Variants in PPARG observed in about 807,000 individuals in gnomAD.
PPARG encodes the protein peroxisome proliferator activated receptor gamma.
Under a neutral mutation model 39.2 loss-of-function variants are expected in PPARG, and 17 were observed. The observed-to-expected ratio is 0.43, with a 90% confidence interval of 0.30 to 0.65. The LOEUF (loss-of-function observed/expected upper bound fraction) is 0.65. PPARG is among the 30% of genes least tolerant of loss of function. The probability of loss-of-function intolerance (pLI) is 0.13; values close to 1 mark genes in which losing one functional copy is unlikely to be tolerated. For missense variants in PPARG, 406 were observed against 585.9 expected (o/e 0.69, Z 3.17); for synonymous variants, 223 against 215.7 (o/e 1.03, Z -0.30).
chr3:12,368,853 CA>C (rs2049112090), intron 2 of PPARG, among the ~76,000 whole-genome samples: 1 of 152,128 alleles, frequency 6.6e-6, no homozygotes, highest in Non-Finnish European at 1.5e-5. Flanking sequence ...GCTGAAGCAT[CA>C]AAACCATTTT....
chr3:12,318,597 G>GT (rs2047451512), intron 2 of PPARG, among the ~76,000 whole-genome samples: 1 of 152,104 alleles, frequency 6.6e-6, no homozygotes, highest in Admixed American at 6.5e-5. Context: ...AAGATTATGG[G>GT]TGAAACTCTC....
intron 7 of PPARG, among the ~76,000 whole-genome samples, chr3:12,425,390 C>T (rs2125305459): frequency 6.6e-6 from 1 of 152,228 alleles, no homozygotes; most frequent in East Asian, 1.9e-4. Flanking sequence ...GAAGTCATAC[C>T]TGGCAGCTTT....
chr3:12,374,715 C>T (rs1046161721), intron 2 of PPARG, among the ~76,000 whole-genome samples: 1 of 152,048 alleles, frequency 6.6e-6, no homozygotes, highest in Non-Finnish European at 1.5e-5. Flanking sequence ...TCAGTTATAG[C>T]AGGTATACTA....
At chr3:12,372,628 C>T (rs1575074145) in intron 2 of PPARG, among the ~76,000 whole-genome samples, 2 of 152,176 alleles carry the variant, frequency 1.3e-5, no homozygotes, top group Middle Eastern at 3.4e-3. Flanking sequence ...CTTTTCTTTT[C>T]GTAAGGGACA....
chr3:12,392,677 A>G lies in PPARG; in HGVS notation c.454A>G (p.Ile152Val). The G allele has an allele frequency of 6.2e-7, 1 of 1,613,928 alleles. No homozygotes were observed. Among genetic ancestry groups the G allele is most frequent in the Non-Finnish European group, 8.5e-7 (1 of 1,179,860 alleles). ...IYDRCDLNCR[I>V]HKKSRNKCQY... Reference sequence around the variant, plus strand: ...TGACAGATGTGATCTTAACTGTCGGATCCACAAAAAAAGTAGAAATAAATG... The same window carrying G: ...TGACAGATGTGATCTTAACTGTCGGGTCCACAAAAAAAGTAGAAATAAATG... Residue 152 changes from isoleucine (I) to valine (V), a missense_variant, in exon 5 of 8, where the codon ATC (isoleucine) becomes GTC (valine). Physicochemically the swap from Ile to Val is conservative, Grantham distance 29. This residue lies in a region of PPARG where 275 missense variants were observed against 458.0 expected (regional missense o/e 0.60). Coordinates refer to ENST00000651735, the MANE Select transcript of PPARG (RefSeq NM_138711.6).
intron 2 of PPARG, among the ~76,000 whole-genome samples, chr3:12,341,885 G>C (rs1051571933): frequency 6.6e-6 from 1 of 152,162 alleles, no homozygotes. Flanking sequence ...TAAACTCCAA[G>C]TATTGATTCA....
At chr3:12,318,589 G>T (rs2047450905) in intron 2 of PPARG, among the ~76,000 whole-genome samples, 1 of 152,108 alleles carries the variant, frequency 6.6e-6, no homozygotes, top group Non-Finnish European at 1.5e-5. Flanking sequence ...ATAGGAAAAA[G>T]ATTATGGGTG....
At chr3:12,308,518 C>T (rs1246900606) in intron 1 of PPARG, among the ~76,000 whole-genome samples, 2 of 152,010 alleles carry the variant, frequency 1.3e-5, no homozygotes, top group African/African-American at 4.8e-5. Flanking sequence ...AATCGTTATG[C>T]ATGCTATTAT....
chr3:12,314,940 C>G (rs568877751), intron 2 of PPARG, among the ~76,000 whole-genome samples: 1 of 152,272 alleles, frequency 6.6e-6, no homozygotes, highest in East Asian at 1.9e-4. Context: ...TCCATCACCT[C>G]AGACACTTAT....
At chr3:12,393,005 A>T (rs2050133341) in intron 5 of PPARG, among the ~76,000 whole-genome samples, 1 of 152,188 alleles carries the variant, frequency 6.6e-6, no homozygotes, top group Non-Finnish European at 1.5e-5. Flanking sequence ...TTATGGGAAA[A>T]ACTTTAGTGT....
rs1330100988 is a variant in PPARG, at chr3:12,413,300, A to G, written c.730-3404A>G. Reference sequence around the variant, plus strand: ...CTAAGAATTGGTGAATTGGTTGCAAAGAAAGGCAGACCAGGCCCACCCAGG... The same window carrying G: ...CTAAGAATTGGTGAATTGGTTGCAAGGAAAGGCAGACCAGGCCCACCCAGG... On this transcript the variant is annotated intron_variant, in intron 6 of 7. Transcript: ENST00000651735. Among the ~76,000 whole-genome samples the G allele has an allele frequency of 7.9e-5, 12 of 152,338 alleles. 1 individual carries two copies. The highest frequency in any genetic ancestry group is 2.9e-5 in the Non-Finnish European group (2 of 68,042).
chr3:12,392,262 A>T (rs1312052148), intron 4 of PPARG, among the ~76,000 whole-genome samples: 1 of 152,222 alleles, frequency 6.6e-6, no homozygotes, highest in Non-Finnish European at 1.5e-5. Context: ...AATGATTTGC[A>T]GAGAGACTTA....
At chr3:12,315,972 T>C (rs1257861619) in intron 2 of PPARG, among the ~76,000 whole-genome samples, 1 of 152,232 alleles carries the variant, frequency 6.6e-6, no homozygotes, top group Non-Finnish European at 1.5e-5. Context: ...CGTAGTCTTA[T>C]ATTTGTTTGA....
chr3:12,354,464 G>A (rs2048591552), intron 2 of PPARG, among the ~76,000 whole-genome samples: 1 of 140,090 alleles, frequency 7.1e-6, no homozygotes, highest in African/African-American at 2.5e-5. Context: ...AAAAAGAAAA[G>A]GCTGGGTACA....
chr3:12,340,827 C>T (rs796831190), intron 2 of PPARG, among the ~76,000 whole-genome samples: 6 of 152,126 alleles, frequency 3.9e-5, no homozygotes, highest in East Asian at 1.9e-4. Context: ...TGGAAATCAT[C>T]GGGTAAAACC....
chr3:12,381,166 TC>T (rs1315759309), intron 3 of PPARG, among the ~76,000 whole-genome samples, 155 bp from the exon 4 acceptor site: 2 of 152,176 alleles, frequency 1.3e-5, no homozygotes, highest in African/African-American at 4.8e-5. Context: ...CCTTTCTTTT[TC>T]TTGCCTTAAC....
At chr3:12,307,799 C>T (rs1042370509) in intron 1 of PPARG, among the ~76,000 whole-genome samples, 8 of 152,220 alleles carry the variant, frequency 5.3e-5, no homozygotes, top group South Asian at 2.1e-4. Context: ...TGAAAGACCC[C>T]GGTAAAGAAA....
intron 2 of PPARG, among the ~76,000 whole-genome samples, chr3:12,363,216 A>G (rs1349627113): frequency 6.6e-6 from 1 of 152,194 alleles, no homozygotes; most frequent in Non-Finnish European, 1.5e-5. Context: ...CACTGTATCT[A>G]GCCTAGAATA....
chr3:12,294,615 C>G (rs953649621), intron 1 of PPARG, among the ~76,000 whole-genome samples: 2 of 152,174 alleles, frequency 1.3e-5, no homozygotes, highest in Admixed American at 1.3e-4. Context: ...ATACATGCGG[C>G]CAGTCGCAGT....
Sources: allele counts gnomAD v4.1 joint callset (sites outside exome capture counted in the v4.1 genomes callset), GRCh38; gene constraint gnomAD v4.1.1; regional missense constraint gnomAD v4.1.1; transcripts MANE v1.5; gene names NCBI Gene and HGNC (gene_info 2026-07-23, HGNC 2026-07-21).